The following ANKS1B variants were observed in gnomAD, a reference collection of about 807,000 sequenced individuals.
ANKS1B encodes the protein ankyrin repeat and sterile alpha motif domain-containing protein 1B.
In ANKS1B, 36 loss-of-function variants were observed where a neutral mutation model predicts 148.3. That is an observed-to-expected ratio of 0.24 (90% CI 0.19 to 0.32). The LOEUF (loss-of-function observed/expected upper bound fraction) is 0.32, where lower values mean the gene tolerates loss of function less well. Among genes scored for constraint, ANKS1B ranks in the 10% least tolerant of loss-of-function variants. ANKS1B has a pLI of 1.00. For missense variants in ANKS1B, 1,157 were observed against 1,542.6 expected, an observed-to-expected ratio of 0.75 and a Z score of 4.19; for synonymous variants, 542 against 560.8, an observed-to-expected ratio of 0.97 and a Z score of 0.47.
At chr12:99,192,854 TATA>T (rs2153885469) in intron 14 of ANKS1B, among the ~76,000 whole-genome samples, 1 of 152,214 alleles carries the variant, frequency 6.6e-6, no homozygotes, top group African/African-American at 2.4e-5. Flanking sequence ...TAATATTCAA[TATA>T]ATAAATACAA....
chr12:98,815,091 G>C (rs2153641375), intron 19 of ANKS1B, among the ~76,000 whole-genome samples: 1 of 152,244 alleles, frequency 6.6e-6, no homozygotes, highest in East Asian at 1.9e-4. Flanking sequence ...TGATCCAGTA[G>C]TTTACAATAA....
intron 10 of ANKS1B, among the ~76,000 whole-genome samples, chr12:99,503,309 C>T (rs148858199): frequency 3.9e-5 from 6 of 152,236 alleles, no homozygotes; most frequent in South Asian, 4.1e-4. Context: ...CTCTTACTTT[C>T]GGCCAATAAC....
rs1243947442 is a variant in ANKS1B at position 98,861,629 on chromosome 12, T to C, written c.2779-29493A>G. 4.6e-5 allele frequency among the ~76,000 whole-genome samples: 7 copies of C among 152,328 alleles called. No individual in the cohort carries two copies. The East Asian group carries it at 1.3e-3, about 29-fold the overall frequency. On this transcript the variant is annotated intron_variant, in intron 17 of 26. Transcript: ENST00000683438. ...AGCAAGAAAAAGCCCACAATAATCA[T>C]CTTAGAAAAGAACTTAATTAGTTTT...
intron 22 of ANKS1B, among the ~76,000 whole-genome samples, chr12:98,782,508 T>C (rs1325512442): frequency 6.6e-6 from 1 of 152,228 alleles, no homozygotes; most frequent in Non-Finnish European, 1.5e-5. Context: ...TATTTCCCAA[T>C]TTTCTAGTTT....
At chr12:98,947,548 G>A (rs2153054795) in intron 17 of ANKS1B, among the ~76,000 whole-genome samples, 1 of 152,120 alleles carries the variant, frequency 6.6e-6, no homozygotes, top group Admixed American at 6.5e-5. Flanking sequence ...TACAACTCAT[G>A]AATGTTACAT....
At position 99,246,737 on chromosome 12, in the gene ANKS1B, T is replaced by G; in HGVS notation, c.1884A>C (p.Lys628Asn). 6.2e-7 allele frequency: 1 copy of G among 1,613,950 alleles called. No individual in the cohort carries two copies. Among genetic ancestry groups the G allele is most frequent in the Non-Finnish European group, 8.5e-7 (1 of 1,179,888 alleles). The change falls in exon 13 of 27, where the codon AAA (lysine) becomes AAC (asparagine). Residue 628 changes from lysine to asparagine, a missense_variant. This residue lies in a region of ANKS1B where 661 missense variants were observed against 642.1 expected (regional missense o/e 1.03). Coordinates refer to ENST00000683438, the MANE Select transcript of ANKS1B (RefSeq NM_001352186.2). The stretch of plus-strand genomic sequence containing the variant: ...CTTGTCCTTTTTCACATTGTTCTCT[T>G]TTCCCATAGAGATGAAATGGATTTT... ...SPENPFHLYG[K>N]REQCEKGQDE...
chr12:99,896,761 T>A (rs1565950445), intron 1 of ANKS1B, among the ~76,000 whole-genome samples: 1 of 151,298 alleles, frequency 6.6e-6, no homozygotes, highest in Non-Finnish European at 1.5e-5. Flanking sequence ...AAGCAGCTTT[T>A]AAACAAACTT....
intron 12 of ANKS1B, among the ~76,000 whole-genome samples, chr12:99,317,054 T>C (rs1354908851): frequency 2.6e-5 from 4 of 152,236 alleles, no homozygotes; most frequent in African/African-American, 9.6e-5. Flanking sequence ...AGTACCATGC[T>C]GTTTTGGTTA....
At chr12:99,599,212 G>C (rs572693948) in intron 9 of ANKS1B, among the ~76,000 whole-genome samples, 33 of 152,066 alleles carry the variant, frequency 2.2e-4, no homozygotes, top group African/African-American at 8.0e-4. Context: ...AACATTTACT[G>C]GTACCAAGAA....
rs1044847769 is a variant in ANKS1B at position 99,740,833 on chromosome 12, A to G, written c.1128+32089T>C. The stretch of plus-strand genomic sequence containing the variant: ...CTTCCCCTAGCCAAGAGAAGCCGTG[A>G]GGGACTATGCCATGAGGAACAGTGC... On this transcript the variant is annotated intron_variant, in intron 8 of 26. Transcript: ENST00000683438. Among the ~76,000 whole-genome samples the G allele has an allele frequency of 2.0e-5, 3 of 152,164 alleles. No individual in the cohort carries two copies. The East Asian group carries it at 5.8e-4, about 29-fold the overall frequency.
intron 12 of ANKS1B, among the ~76,000 whole-genome samples, chr12:99,376,761 T>C (rs1403717792): frequency 6.6e-6 from 1 of 152,194 alleles, no homozygotes; most frequent in East Asian, 1.9e-4. Flanking sequence ...TTTCTCTTGA[T>C]GACAGTCTCA....
At chr12:99,387,377 G>A (rs2093906706) in intron 12 of ANKS1B, among the ~76,000 whole-genome samples, 1 of 152,122 alleles carries the variant, frequency 6.6e-6, no homozygotes, top group Non-Finnish European at 1.5e-5. Context: ...CAGCACTTTG[G>A]GAGGCCGAGG....
intron 9 of ANKS1B, among the ~76,000 whole-genome samples, chr12:99,530,956 T>C (rs1429950447): frequency 5.9e-5 from 9 of 152,226 alleles, no homozygotes; most frequent in Non-Finnish European, 1.2e-4. Context: ...ATGCCTGATA[T>C]ACTCAGTAGC....
chr12:98,889,025 A>C (rs1253539422), intron 17 of ANKS1B, among the ~76,000 whole-genome samples: 2 of 152,226 alleles, frequency 1.3e-5, no homozygotes, highest in African/African-American at 4.8e-5. Context: ...ATTGTTTCTC[A>C]GCTTAAAAAG....
At chr12:99,911,598 G>A (rs964831187) in intron 1 of ANKS1B, among the ~76,000 whole-genome samples, 9 of 152,012 alleles carry the variant, frequency 5.9e-5, no homozygotes, top group South Asian at 2.1e-4. Context: ...TATAAAGTTC[G>A]ATATCACCCA....
At chr12:98,895,243 T>C in intron 17 of ANKS1B, 1 of 985,346 alleles carries the variant, frequency 1.0e-6, no homozygotes, top group Non-Finnish European at 1.2e-6. Flanking sequence ...TCCTCCTGGC[T>C]CCCAGGCACT....
intron 12 of ANKS1B, among the ~76,000 whole-genome samples, chr12:99,393,571 T>C (rs926005312): frequency 2.0e-5 from 3 of 152,232 alleles, no homozygotes; most frequent in African/African-American, 7.2e-5. Flanking sequence ...CAGGAAATTG[T>C]TGTACTGATT....
At chr12:99,878,192 G>A (rs1051912633) in intron 1 of ANKS1B, among the ~76,000 whole-genome samples, 5 of 152,232 alleles carry the variant, frequency 3.3e-5, no homozygotes, top group East Asian at 1.9e-4. Flanking sequence ...TCTCATGGTC[G>A]CAAAATACTG....
intron 15 of ANKS1B, among the ~76,000 whole-genome samples, chr12:99,109,442 A>G (rs1466648502): frequency 6.6e-6 from 1 of 152,158 alleles, no homozygotes; most frequent in Non-Finnish European, 1.5e-5. Context: ...GACACACCCA[A>G]GACAGAGGTC....
Sources: allele counts gnomAD v4.1 joint callset (sites outside exome capture counted in the v4.1 genomes callset), GRCh38; gene constraint gnomAD v4.1.1; regional missense constraint gnomAD v4.1.1; transcripts MANE v1.5; gene names NCBI Gene and HGNC (gene_info 2026-07-23, HGNC 2026-07-21).